HNF4A: variants seen among roughly 807,000 people sequenced by gnomAD.
HNF4A encodes hepatocyte nuclear factor 4-alpha.
Under a neutral mutation model 52.4 loss-of-function variants are expected in HNF4A, and 15 were observed. The ratio of observed to expected loss-of-function variants is 0.29; its 90% confidence interval spans 0.19 to 0.44. HNF4A has a LOEUF of 0.44. Ranked by LOEUF, HNF4A falls within the 20% of genes least tolerant of loss-of-function variation. The pLI is 1.00. For missense variants in HNF4A, 479 were observed against 647.2 expected, an observed-to-expected ratio of 0.74 and a Z score of 2.82; for synonymous variants, 280 against 264.4, an observed-to-expected ratio of 1.06 and a Z score of -0.57.
In HNF4A at chr20:44,406,166, C is replaced by T. The variant is rs1030452628; in HGVS notation, c.224C>T (p.Ser75Leu). The T allele has an allele frequency of 2.5e-6, 4 of 1,613,958 alleles. No homozygotes were observed. The highest frequency in any genetic ancestry group is 2.2e-5 in the East Asian group (1 of 44,862). ...GCCACGGGCAAACACTACGGTGCCT[C>T]GAGCTGTGACGGCTGCAAGGGCTTC... is the stretch of plus-strand genomic sequence containing the variant. Residue 75 changes from serine (S) to leucine (L), a missense_variant, in exon 2 of 10, where the codon TCG becomes TTG. By Grantham distance (145) the Ser-to-Leu change is moderately radical (BLOSUM62 -2). Transcript: ENST00000316099.
intron 1 of HNF4A, among the ~76,000 whole-genome samples, chr20:44,363,678 T>G (rs988215805): frequency 2.0e-5 from 3 of 150,832 alleles, no homozygotes; most frequent in African/African-American, 7.3e-5. Context: ...CTCACTCAAG[T>G]CCTTCTCCTG....
chr20:44,377,488 C>T (rs939616842), intron 1 of HNF4A, among the ~76,000 whole-genome samples: 4 of 151,972 alleles, frequency 2.6e-5, no homozygotes, highest in Non-Finnish European at 4.4e-5. Flanking sequence ...TGCAGCCGGG[C>T]GCGGTAGCTC....
In HNF4A at chr20:44,424,209, G is replaced by A. The variant is rs555432665; in HGVS notation, c.1084G>A (p.Gly362Ser). ...GCAGATCCAGTTCATCAAGCTCTTCGGCATGGCCAAGATTGACAACCTGTT... is the reference window on the plus strand; with the variant it reads ...GCAGATCCAGTTCATCAAGCTCTTCAGCATGGCCAAGATTGACAACCTGTT... The change falls in exon 8 of 10, where the codon GGC becomes AGC. Residue 362 changes from glycine (G) to serine (S), a missense_variant. Gly to Ser is a moderately conservative substitution (Grantham distance 56, BLOSUM62 0). This residue lies in a region of HNF4A where 389 missense variants were observed against 525.1 expected (regional missense o/e 0.74). Coordinates refer to ENST00000316099, the MANE Select transcript of HNF4A (RefSeq NM_000457.6). 1.7e-5 allele frequency: 27 copies of A among 1,614,012 alleles called. No homozygotes were observed. The highest frequency in any genetic ancestry group is 4.4e-5 in the South Asian group (4 of 91,026).
intron 1 of HNF4A, chr20:44,377,686 C>T (rs6093972): frequency 6.6e-6 from 1 of 151,966 alleles, no homozygotes; most frequent in African/African-American, 2.4e-5. Context: ...TCGCTTAAAC[C>T]TGGGAGGCAG....
intron 1 of HNF4A, 103 bp downstream of exon 1, chr20:44,355,956 C>T (rs1461464998): frequency 1.0e-6 from 1 of 991,934 alleles, no homozygotes; most frequent in African/African-American, 1.6e-5. Flanking sequence ...AAAGCTCCTC[C>T]TGGAGCTCCT....
At chr20:44,355,988 C>T (rs1031696950) in intron 1 of HNF4A, 135 bp downstream of exon 1, 2 of 752,060 alleles carry the variant, frequency 2.7e-6, no homozygotes, top group East Asian at 2.7e-5. Flanking sequence ...GGAAGCCCCA[C>T]GGAGGCAATG....
At chr20:44,378,942 A>G (rs1300306429) in intron 1 of HNF4A, among the ~76,000 whole-genome samples, 1 of 151,648 alleles carries the variant, frequency 6.6e-6, no homozygotes, top group Non-Finnish European at 1.5e-5. Flanking sequence ...AAAGAAAAGA[A>G]AAGAAAAGAA....
At position 44,413,807 on chromosome 20, in the gene HNF4A, G is replaced by T; in HGVS notation, c.492+7G>T. 6.3e-7 allele frequency: 1 copy of T among 1,591,780 alleles called. No individual in the cohort carries two copies. Among genetic ancestry groups the T allele is most frequent in the Non-Finnish European group, 8.6e-7 (1 of 1,161,954 alleles). On this transcript the variant is annotated splice_region_variant and intron_variant, in intron 4 of 9. Transcript: ENST00000316099. Reference sequence around the variant, plus strand: ...GGAGGTCCTGTCCCGACAGGTACCGGGGTGATCCTGCCACCCACCCAGGGA... The same window carrying T: ...GGAGGTCCTGTCCCGACAGGTACCGTGGTGATCCTGCCACCCACCCAGGGA...
intron 1 of HNF4A, among the ~76,000 whole-genome samples, chr20:44,359,971 T>C (rs1177691515): frequency 6.6e-6 from 1 of 152,216 alleles, no homozygotes; most frequent in Admixed American, 6.5e-5. Context: ...CTCCTGGCCT[T>C]ATTACTTTTC....
At chr20:44,415,931 T>C (rs2063657671) in intron 5 of HNF4A, among the ~76,000 whole-genome samples, 1 of 152,074 alleles carries the variant, frequency 6.6e-6, no homozygotes, top group Admixed American at 6.6e-5. Context: ...CCCAGTCCCC[T>C]CTGCTGGAGT....
At chr20:44,417,599 A>G (rs2063683300) in intron 5 of HNF4A, among the ~76,000 whole-genome samples, 2 of 152,142 alleles carry the variant, frequency 1.3e-5, no homozygotes, top group African/African-American at 4.8e-5. Context: ...TTCAGAGTCA[A>G]CTATGGAGCT....
At chr20:44,428,809 C>T (rs2063842212) in intron 9 of HNF4A, among the ~76,000 whole-genome samples, 1 of 152,166 alleles carries the variant, frequency 6.6e-6, no homozygotes, top group Admixed American at 6.6e-5. Context: ...TAAGGCTGCA[C>T]AGTTGGGTAA....
chr20:44,404,737 T>A (rs981493652), intron 1 of HNF4A, among the ~76,000 whole-genome samples: 2 of 144,836 alleles, frequency 1.4e-5, no homozygotes, highest in African/African-American at 5.2e-5. Flanking sequence ...TCTGTGTTCA[T>A]GTGTGTGTAC....
intron 8 of HNF4A, among the ~76,000 whole-genome samples, chr20:44,427,365 A>T (rs1434422788): frequency 6.6e-6 from 1 of 152,250 alleles, no homozygotes; most frequent in Admixed American, 6.5e-5. Context: ...GAATGGGCTA[A>T]TAATAGTATC....
chr20:44,419,566 G>T (rs927455177), intron 6 of HNF4A, among the ~76,000 whole-genome samples, 155 bp from the exon 7 acceptor site: 1 of 152,134 alleles, frequency 6.6e-6, no homozygotes, highest in Admixed American at 6.5e-5. Context: ...TCTGAATCTG[G>T]GCCTCAGCTT....
chr20:44,363,968 G>T (rs2062944223), intron 1 of HNF4A, among the ~76,000 whole-genome samples: 1 of 152,068 alleles, frequency 6.6e-6, no homozygotes, highest in Non-Finnish European at 1.5e-5. Flanking sequence ...GGGATTACAG[G>T]TGTAAGCCAC....
chr20:44,357,114 C>G (rs1284555312), intron 1 of HNF4A, among the ~76,000 whole-genome samples: 1 of 152,170 alleles, frequency 6.6e-6, no homozygotes, highest in Non-Finnish European at 1.5e-5. Flanking sequence ...GATCTCCTGA[C>G]TCTAGTCAGG....
chr20:44,405,297 A>AATTTTTTAC, intron 1 of HNF4A, among the ~76,000 whole-genome samples: 1 of 152,058 alleles, frequency 6.6e-6, no homozygotes, highest in Middle Eastern at 3.4e-3. Flanking sequence ...AAATTTTTTA[A>AATTTTTTAC]ATTTGGAAAC....
intron 1 of HNF4A, among the ~76,000 whole-genome samples, chr20:44,369,345 G>C (rs367878893): frequency 4.0e-5 from 6 of 150,112 alleles, no homozygotes; most frequent in African/African-American, 1.5e-4. Flanking sequence ...TGGGGGGATC[G>C]TTTGAACCCA....
Sources: allele counts gnomAD v4.1 joint callset (sites outside exome capture counted in the v4.1 genomes callset), GRCh38; gene constraint gnomAD v4.1.1; regional missense constraint gnomAD v4.1.1; transcripts MANE v1.5; gene names NCBI Gene and HGNC (gene_info 2026-07-23, HGNC 2026-07-21).